The following TRIM32 variants were observed in gnomAD, a reference collection of about 807,000 sequenced individuals.
TRIM32 encodes tripartite motif containing 32.
A neutral mutation model predicts 36.0 loss-of-function variants in TRIM32; 19 were observed. The observed-to-expected ratio is 0.53, with a 90% CI of 0.37 to 0.77. TRIM32 has a LOEUF of 0.77. TRIM32 is among the 30% of genes least tolerant of loss of function. The pLI, the probability that TRIM32 is intolerant of heterozygous loss-of-function variation, is 0.00. For missense variants in TRIM32, 747 were observed against 845.2 expected, an observed-to-expected ratio of 0.88 and a Z score of 1.44; for synonymous variants, 309 against 318.5, an observed-to-expected ratio of 0.97 and a Z score of 0.32.
At chr9:116,690,302 T>C (rs1415650506) in intron 1 of TRIM32, among the ~76,000 whole-genome samples, 1 of 152,212 alleles carries the variant, frequency 6.6e-6, no homozygotes, top group African/African-American at 2.4e-5. Context: ...ATTCCTTGTT[T>C]ACAGATAAGA....
chr9:116,692,888 T>TTTA (rs1860643945), intron 1 of TRIM32, among the ~76,000 whole-genome samples: 1 of 152,142 alleles, frequency 6.6e-6, no homozygotes, highest in African/African-American at 2.4e-5. Context: ...CATTTCATAC[T>TTTA]TAGTCTCTGC....
At position 116,698,943 on chromosome 9, in the gene TRIM32, A is replaced by T. The variant is rs747266069; in HGVS notation, c.1201A>T (p.Lys401Ter). 1.2e-6 allele frequency: 2 copies of T among 1,614,202 alleles called. No homozygotes were observed. The highest frequency in any genetic ancestry group is 1.7e-5 in the Admixed American group (1 of 60,026). The change falls in exon 2 of 2, where the codon AAA becomes TAA. Residue 401 changes from lysine (K) to a stop codon, truncating the protein, a stop_gained. Transcript: ENST00000450136. LOFTEE classifies it high-confidence loss of function. The surrounding 1 kb of genome is among the most constrained non-coding windows in gnomAD (Gnocchi z 4.4). ...GNYRIQVFTR[K>*]GFLKEIRRSP... ...CTATCGTATACAAGTCTTTACCCGC[A>T]AAGGCTTTTTGAAGGAAATCCGCCG... is the stretch of plus-strand genomic sequence containing the variant.
At chr9:116,695,977 A>G (rs115808405) in intron 1 of TRIM32, among the ~76,000 whole-genome samples, 1 of 152,114 alleles carries the variant, frequency 6.6e-6, no homozygotes, top group Non-Finnish European at 1.5e-5. Flanking sequence ...TCACCTTTCA[A>G]ATCTTACTGA....
chr9:116,693,211 T>C (rs1377778617), intron 1 of TRIM32, among the ~76,000 whole-genome samples: 1 of 152,190 alleles, frequency 6.6e-6, no homozygotes, highest in Non-Finnish European at 1.5e-5. Flanking sequence ...ATATGCATTT[T>C]CCATAGTCAT....
chr9:116,696,889 T>G (rs1860882187), intron 1 of TRIM32, among the ~76,000 whole-genome samples: 1 of 151,592 alleles, frequency 6.6e-6, no homozygotes, highest in Non-Finnish European at 1.5e-5. Context: ...ATCACAATTT[T>G]CTGCTTCTGT....
intron 1 of TRIM32, among the ~76,000 whole-genome samples, chr9:116,687,594 G>C (rs1860330885): frequency 6.7e-6 from 1 of 149,178 alleles, no homozygotes; most frequent in South Asian, 2.2e-4. Flanking sequence ...GAGATCCGAG[G>C]AGATGCAGCT....
chr9:116,698,117 G>A lies in TRIM32; in HGVS notation c.375G>A (p.Glu125=), dbSNP rs780765510. The A allele has an allele frequency of 1.9e-6, 3 of 1,614,112 alleles. No homozygotes were observed. The highest frequency in any genetic ancestry group is 3.3e-5 in the Admixed American group (2 of 60,028). The change falls in exon 2 of 2, where the codon GAG becomes GAA. Residue 125 remains glutamate (E), a synonymous_variant. Coordinates refer to ENST00000450136, the MANE Select transcript of TRIM32 (RefSeq NM_012210.4). This position sits in a 1 kb window ranked among gnomAD's most constrained non-coding sequence, Gnocchi z 4.4. The part of the protein sequence containing the change: ...CGLVLCEPCR[E]ADHQPPGHCT... Reference sequence around the variant, plus strand: ...TGGTGTTATGTGAGCCCTGCCGGGAGGCAGACCATCAGCCTCCTGGCCACT... The same window carrying A: ...TGGTGTTATGTGAGCCCTGCCGGGAAGCAGACCATCAGCCTCCTGGCCACT...
chr9:116,694,230 G>C (rs966563702), intron 1 of TRIM32, among the ~76,000 whole-genome samples: 5 of 152,106 alleles, frequency 3.3e-5, no homozygotes, highest in African/African-American at 1.2e-4. Context: ...ATTCCAGAAA[G>C]CTTGGGAAAT....
Position 116,698,696 on chromosome 9 carries a change from C to T in TRIM32, c.954C>T (p.Thr318=). 2 of 1,614,174 alleles carry T rather than the reference C, an allele frequency of 1.2e-6. No homozygotes were observed. The highest frequency in any genetic ancestry group is 1.7e-6 in the Non-Finnish European group (2 of 1,180,040). The change falls in exon 2 of 2, where the codon ACC becomes ACT. Residue 318 remains threonine, a synonymous_variant. Coordinates refer to ENST00000450136, the MANE Select transcript of TRIM32 (RefSeq NM_012210.4). This position sits in a 1 kb window ranked among gnomAD's most constrained non-coding sequence, Gnocchi z 4.4. ...AMEATASAAS[T]SVTFREMDMS... is the part of the protein sequence containing the mutation. ...AGGCCACAGCGTCTGCTGCCTCTAC[C>T]TCTGTTACTTTTAGAGAGATGGACA...
chr9:116,691,983 A>G (rs773467531), intron 1 of TRIM32, among the ~76,000 whole-genome samples: 6 of 152,206 alleles, frequency 3.9e-5, no homozygotes, highest in Non-Finnish European at 7.4e-5. Context: ...CATGTTGTCT[A>G]GTTTTTAGGG....
Position 116,699,590 on chromosome 9 carries a change from T to C in TRIM32, c.1848T>C (p.Leu616=), listed in dbSNP as rs886043881. 2 of 1,614,232 alleles carry C rather than the reference T, an allele frequency of 1.2e-6. No homozygotes were observed. Among genetic ancestry groups the C allele is most frequent in the Non-Finnish European group, 1.7e-6 (2 of 1,180,040 alleles). Residue 616 remains leucine (L), a synonymous_variant, in exon 2 of 2, where the codon CTT becomes CTC. Transcript: ENST00000450136. The surrounding 1 kb of genome is among the most constrained non-coding windows in gnomAD (Gnocchi z 4.2). ...GGYSVLIREG[L]TCPVGIALTP... ...ATAGTGTCCTTATTCGAGAGGGACTTACCTGTCCGGTGGGCATAGCCCTAA... is the reference window on the plus strand; with the variant it reads ...ATAGTGTCCTTATTCGAGAGGGACTCACCTGTCCGGTGGGCATAGCCCTAA...
chr9:116,689,834 A>T (rs1860473662), intron 1 of TRIM32, among the ~76,000 whole-genome samples: 1 of 152,164 alleles, frequency 6.6e-6, no homozygotes. Context: ...AGGCAGGATG[A>T]GGTGCAACGG....
rs803941 is a variant in TRIM32 at position 116,690,688 on chromosome 9, A to T, written c.-82+3307A>T. On this transcript the variant is annotated intron_variant, in intron 1 of 1. Coordinates refer to ENST00000450136, the MANE Select transcript of TRIM32 (RefSeq NM_012210.4). ...TTAGTAATTTTATGGCTGGGAGTTGATACTGGGATTTGAATCCTTGCTCTA... is the reference window on the plus strand; with the variant it reads ...TTAGTAATTTTATGGCTGGGAGTTGTTACTGGGATTTGAATCCTTGCTCTA... 5.2e-3 allele frequency among the ~76,000 whole-genome samples: 795 copies of T among 152,300 alleles called. 7 individuals carry two copies. The highest frequency in any genetic ancestry group is 0.018 in the African/African-American group (763 of 41,558).
intron 1 of TRIM32, among the ~76,000 whole-genome samples, chr9:116,694,749 G>A (rs545165682): frequency 7.9e-4 from 120 of 151,862 alleles, no homozygotes; most frequent in African/African-American, 2.8e-3. Context: ...GGGATTACAG[G>A]CATGAGCCAC....
chr9:116,692,388 T>G (rs1860615564), intron 1 of TRIM32, among the ~76,000 whole-genome samples: 1 of 152,228 alleles, frequency 6.6e-6, no homozygotes, highest in Non-Finnish European at 1.5e-5. Context: ...CAGCAGTTGC[T>G]GCTACTGCTA....
At chr9:116,687,972 G>C (rs1445578803) in intron 1 of TRIM32, among the ~76,000 whole-genome samples, 1 of 152,016 alleles carries the variant, frequency 6.6e-6, no homozygotes, top group Non-Finnish European at 1.5e-5. Flanking sequence ...AAGGGAGCTG[G>C]CTGAGGTGTG....
Position 116,698,263 on chromosome 9 carries a change from C to A in TRIM32, c.521C>A (p.Ser174Tyr). ...QRRKAALEGV[S>Y]KDLQARYKAV... Reference sequence around the variant, plus strand: ...CGGAAGGCAGCCTTGGAAGGTGTCTCCAAGGACCTTCAGGCAAGGTATAAA... The same window carrying A: ...CGGAAGGCAGCCTTGGAAGGTGTCTACAAGGACCTTCAGGCAAGGTATAAA... The change falls in exon 2 of 2, where the codon TCC becomes TAC. Residue 174 changes from serine (S) to tyrosine (Y), a missense_variant. By Grantham distance (144) the Ser-to-Tyr change is moderately radical (BLOSUM62 -2). Transcript: ENST00000450136. This position sits in a 1 kb window ranked among gnomAD's most constrained non-coding sequence, Gnocchi z 4.4. 6.2e-7 allele frequency: 1 copy of A among 1,614,140 alleles called. No individual in the cohort carries two copies. The highest frequency in any genetic ancestry group is 8.5e-7 in the Non-Finnish European group (1 of 1,180,024).
In TRIM32 at chr9:116,699,634, T is replaced by C. The variant is rs761878106; in HGVS notation, c.1892T>C (p.Leu631Pro). The C allele has an allele frequency of 6.8e-6, 11 of 1,614,200 alleles. No homozygotes were observed. Among genetic ancestry groups the C allele is most frequent in the Non-Finnish European group, 9.3e-6 (11 of 1,180,024 alleles). ...GCCCTAACTCCTAAGGGGCAGCTGC[T>C]GGTCTTGGACTGTTGGGATCATTGC... The part of the protein sequence containing the change: ...GIALTPKGQL[L>P]VLDCWDHCIK... The change falls in exon 2 of 2, where the codon CTG (leucine) becomes CCG (proline). Residue 631 changes from leucine (L) to proline (P), a missense_variant. Physicochemically the swap from Leu to Pro is moderately conservative, Grantham distance 98. Transcript: ENST00000450136. The surrounding 1 kb of genome is among the most constrained non-coding windows in gnomAD (Gnocchi z 4.2).
rs759016258 is a variant in TRIM32 at position 116,699,144 on chromosome 9, C to T, written c.1402C>T (p.Gln468Ter). ...DGHCVACHRS[Q>*]LSKPWGITAL... ...CCACTGCGTGGCCTGTCACAGGAGC[C>T]AGCTGAGCAAACCATGGGGTATCAC... The change falls in exon 2 of 2, where the codon CAG (glutamine) becomes TAG (stop). Residue 468 changes from glutamine (Q) to a stop codon, truncating the protein, a stop_gained. Transcript: ENST00000450136. LOFTEE classifies it high-confidence loss of function. The surrounding 1 kb of genome is among the most constrained non-coding windows in gnomAD (Gnocchi z 4.2). 2 of 1,614,238 alleles carry T rather than the reference C, an allele frequency of 1.2e-6. No individual in the cohort carries two copies. Among genetic ancestry groups the T allele is most frequent in the Non-Finnish European group, 1.7e-6 (2 of 1,180,038 alleles).
Sources: gnomAD v4.1 joint callset for allele counts (sites outside exome capture counted in the v4.1 genomes callset) on GRCh38, gnomAD v4.1.1 for gene constraint, Gnocchi (gnomAD v3.1) non-coding constraint, MANE v1.5 for transcripts, NCBI Gene and HGNC (gene_info 2026-07-23, HGNC 2026-07-21) for gene names.